The following TMEM51 variants were observed in gnomAD, a reference collection of about 807,000 sequenced individuals.
TMEM51 encodes the protein chromosome 1 open reading frame 72.
In TMEM51, 8 loss-of-function variants were observed where a neutral mutation model predicts 13.6. That is an observed-to-expected ratio of 0.59 (90% confidence interval 0.35 to 1.07). TMEM51 has a LOEUF of 1.07. Ranked by LOEUF, TMEM51 falls within the 50% of genes least tolerant of loss-of-function variation. TMEM51 has a pLI of 0.02. For missense variants in TMEM51, 279 were observed against 330.7 expected, an observed-to-expected ratio of 0.84 and a Z score of 1.21; for synonymous variants, 147 against 144.4, an observed-to-expected ratio of 1.02 and a Z score of -0.13.
chr1:15,205,824 C>T (rs1439191180), intron 1 of TMEM51, among the ~76,000 whole-genome samples: 2 of 152,154 alleles, frequency 1.3e-5, no homozygotes, highest in Non-Finnish European at 2.9e-5. Context: ...TAGGCAGAAT[C>T]GCCTGTCTTC....
intron 1 of TMEM51, among the ~76,000 whole-genome samples, chr1:15,156,053 G>A (rs944573935): frequency 6.6e-6 from 1 of 152,108 alleles, no homozygotes; most frequent in Admixed American, 6.5e-5. Flanking sequence ...GAAGCAGAGA[G>A]TAATGTGTGG....
chr1:15,162,266 G>A (rs549763630), intron 1 of TMEM51, among the ~76,000 whole-genome samples: 1 of 152,164 alleles, frequency 6.6e-6, no homozygotes, highest in African/African-American at 2.4e-5. Flanking sequence ...GGGTTCATGC[G>A]ATTCTCATGC....
intron 1 of TMEM51, among the ~76,000 whole-genome samples, chr1:15,156,948 C>T (rs1642611363): frequency 1.3e-5 from 2 of 152,196 alleles, no homozygotes; most frequent in African/African-American, 2.4e-5. Context: ...GAGCTCCTCC[C>T]CAGCCTGGAC....
At chr1:15,186,975 G>A (rs897468286) in intron 1 of TMEM51, among the ~76,000 whole-genome samples, 1 of 152,152 alleles carries the variant, frequency 6.6e-6, no homozygotes, top group Non-Finnish European at 1.5e-5. Flanking sequence ...GGAGGAATGC[G>A]AGGTGGCCAG....
chr1:15,182,212 A>T (rs1643642964), intron 1 of TMEM51, among the ~76,000 whole-genome samples: 1 of 145,360 alleles, frequency 6.9e-6, no homozygotes, highest in Non-Finnish European at 1.5e-5. Flanking sequence ...AAATAACTGC[A>T]CTAGGCTGAA....
rs886575416 is a variant in TMEM51 at position 15,207,070 on chromosome 1, C to A, written c.-266-3420C>A. 1.3e-5 allele frequency among the ~76,000 whole-genome samples: 2 copies of A among 152,224 alleles called. No homozygotes were observed. Among genetic ancestry groups the A allele is most frequent in the East Asian group, 3.8e-4 (2 of 5,198 alleles). ...GTGGGCTGAAACTTGGCAGAGAGAG[C>A]CCCACTGAATTCCTCCTTTGTGATG... On this transcript the variant is annotated intron_variant, in intron 1 of 3. Transcript: ENST00000376008. The surrounding 1 kb of genome is among the most constrained non-coding windows in gnomAD (Gnocchi z 4.6).
intron 1 of TMEM51, among the ~76,000 whole-genome samples, chr1:15,189,141 G>C (rs1643869472): frequency 1.3e-5 from 2 of 151,592 alleles, no homozygotes; most frequent in Admixed American, 6.6e-5. Context: ...CCCAGGTTAA[G>C]GGATTCTCCC....
chr1:15,175,691 G>T (rs1291446616), intron 1 of TMEM51, among the ~76,000 whole-genome samples: 1 of 152,224 alleles, frequency 6.6e-6, no homozygotes. Flanking sequence ...TTACATGGTG[G>T]CAGGCAAGAG....
At chr1:15,215,792 C>T (rs773554564) in intron 3 of TMEM51, among the ~76,000 whole-genome samples, 27 of 152,148 alleles carry the variant, frequency 1.8e-4, no homozygotes, top group African/African-American at 4.8e-4. Flanking sequence ...TTTGGGAGGC[C>T]GAGGCAGGTG....
chr1:15,194,794 T>C (rs761261183), intron 1 of TMEM51, among the ~76,000 whole-genome samples: 4 of 152,156 alleles, frequency 2.6e-5, no homozygotes, highest in African/African-American at 7.2e-5. Flanking sequence ...CTCATTCTGA[T>C]TGGTTATCCC....
intron 1 of TMEM51, among the ~76,000 whole-genome samples, chr1:15,196,663 T>G (rs559251361): frequency 6.6e-6 from 1 of 152,338 alleles, no homozygotes; most frequent in South Asian, 2.1e-4. Context: ...CCTTTAATTT[T>G]ATTGAATTAA....
chr1:15,157,721 T>C (rs1371577118), intron 1 of TMEM51, among the ~76,000 whole-genome samples: 1 of 152,158 alleles, frequency 6.6e-6, no homozygotes, highest in Non-Finnish European at 1.5e-5. Flanking sequence ...AAACTGGCAT[T>C]AACACCACGG....
Position 15,164,457 on chromosome 1 carries a change from G to T in TMEM51, c.-267+10503G>T, listed in dbSNP as rs1398786755. On this transcript the variant is annotated intron_variant, in intron 1 of 3. Transcript: ENST00000376008. Reference sequence around the variant, plus strand: ...GACTGGGCCTTTGGGTTTTGGGAAAGAATCCTACAAAGGTGAAGTGTGCTT... The same window carrying T: ...GACTGGGCCTTTGGGTTTTGGGAAATAATCCTACAAAGGTGAAGTGTGCTT... 4.4e-5 allele frequency: 20 copies of T among 455,968 alleles called. No individual in the cohort carries two copies. The East Asian group carries it at 1.3e-3, about 29-fold the overall frequency. The allele number at this position is 455,968 out of a possible 1,614,324, so 28.2% of individuals were successfully genotyped here. A position where few individuals can be genotyped will look rare whatever the true frequency, so the allele number is the denominator to read the frequency against.
chr1:15,186,774 T>C (rs1643789468), intron 1 of TMEM51, among the ~76,000 whole-genome samples: 1 of 151,786 alleles, frequency 6.6e-6, no homozygotes, highest in Non-Finnish European at 1.5e-5. Context: ...ATTTGCCTTT[T>C]GGAAGGACCT....
chr1:15,192,449 TC>T (rs1557847108), intron 1 of TMEM51: 28 of 162,822 alleles, frequency 1.7e-4, no homozygotes, highest in South Asian at 8.4e-4. Context: ...TTTCTTTCTT[TC>T]TTTTCTTTTC....
intron 1 of TMEM51, among the ~76,000 whole-genome samples, chr1:15,202,652 C>T (rs1644178127): frequency 6.6e-6 from 1 of 152,152 alleles, no homozygotes; most frequent in Non-Finnish European, 1.5e-5. Context: ...TTCTGCTTCC[C>T]TCTTATAAGG....
chr1:15,154,388 C>T (rs909340815), intron 1 of TMEM51, among the ~76,000 whole-genome samples: 1 of 152,216 alleles, frequency 6.6e-6, no homozygotes, highest in Non-Finnish European at 1.5e-5. Flanking sequence ...AAGTCGGGGC[C>T]TTTTAGGGAT....
At chr1:15,201,652 G>A (rs1056076216) in intron 1 of TMEM51, among the ~76,000 whole-genome samples, 1 of 152,112 alleles carries the variant, frequency 6.6e-6, no homozygotes, top group African/African-American at 2.4e-5. Context: ...AAGATGCTTC[G>A]AGTAGGAAAG....
intron 1 of TMEM51, among the ~76,000 whole-genome samples, chr1:15,178,754 C>T (rs1352931053): frequency 2.0e-5 from 3 of 152,208 alleles, no homozygotes; most frequent in African/African-American, 7.2e-5. Context: ...ACTCTAACCA[C>T]CTTGCTTTAC....
Sources: allele counts gnomAD v4.1 joint callset (sites outside exome capture counted in the v4.1 genomes callset), GRCh38; gene constraint gnomAD v4.1.1; non-coding constraint Gnocchi (gnomAD v3.1); transcripts MANE v1.5; gene names NCBI Gene and HGNC (gene_info 2026-07-23, HGNC 2026-07-21).